Variants in FBN3 observed in about 807,000 individuals in gnomAD.
FBN3 encodes fibrillin-3.
In FBN3, 234 loss-of-function variants were observed where a neutral mutation model predicts 330.1. The observed-to-expected ratio is 0.71, with a 90% CI of 0.64 to 0.79. FBN3 has a LOEUF of 0.79. Ranked by LOEUF, FBN3 falls within the 30% of genes least tolerant of loss-of-function variation. The pLI, the probability that FBN3 is intolerant of heterozygous loss-of-function variation, is 0.00. For synonymous variants in FBN3, 1,458 were observed against 1,517.3 expected, an observed-to-expected ratio of 0.96 and a Z score of 0.91; for missense variants, 3,606 against 3,886.9, an observed-to-expected ratio of 0.93 and a Z score of 1.92.
chr19:8,114,341 C>G (rs1329558098), intron 30 of FBN3, among the ~76,000 whole-genome samples: 1 of 152,166 alleles, frequency 6.6e-6, no homozygotes, highest in African/African-American at 2.4e-5. Context: ...CCTCCGCCTC[C>G]TGGATTCAAG....
At position 8,089,790 on chromosome 19, in the gene FBN3, C is replaced by T. The variant is rs1441323863; in HGVS notation, c.6250+104G>A. On this transcript the variant is annotated intron_variant, in intron 50 of 63. Transcript: ENST00000600128. The stretch of plus-strand genomic sequence containing the variant: ...GCCCCAGGCTGGCAGGGTCCAGGGC[C>T]ACCCAGGCTCTCAGGGGGAGCCTGA... The T allele has an allele frequency of 5.8e-6, 9 of 1,539,890 alleles. No individual in the cohort carries two copies. In the East Asian group the frequency reaches 2.0e-4, roughly 35 times the overall value.
At chr19:8,089,748 A>AG in intron 50 of FBN3, 78 bp from the exon 51 acceptor site, 1 of 1,583,666 alleles carries the variant, frequency 6.3e-7, no homozygotes, top group South Asian at 1.2e-5. Context: ...CAAGGCCCCA[A>AG]GGGGACAAAA....
At chr19:8,087,683 T>C (rs772990178) in intron 53 of FBN3, 142 bp downstream of exon 53, 24 of 599,072 alleles carry the variant, frequency 4.0e-5, no homozygotes, top group Non-Finnish European at 6.6e-5. Context: ...CTCGGCTCAC[T>C]GCAACCTCCG....
chr19:8,119,219 G>C (rs1271537254), intron 25 of FBN3, among the ~76,000 whole-genome samples, 197 bp from the exon 26 acceptor site: 1 of 152,182 alleles, frequency 6.6e-6, no homozygotes, highest in Admixed American at 6.5e-5. Flanking sequence ...CAGCCAGATG[G>C]GGAGGGAGGC....
At chr19:8,066,304 G>A (rs911154496) in intron 63 of FBN3, 44 bp from the exon 64 acceptor site, 11 of 1,407,636 alleles carry the variant, frequency 7.8e-6, no homozygotes, top group Admixed American at 2.7e-5. Context: ...CAGGAGAATC[G>A]GGATGTGGTG....
chr19:8,093,967 C>A (rs1345958501), intron 47 of FBN3, among the ~76,000 whole-genome samples: 2 of 152,120 alleles, frequency 1.3e-5, no homozygotes, highest in South Asian at 2.1e-4. Flanking sequence ...CCAGGTTAGA[C>A]CACAGTGAAC....
At chr19:8,085,694 T>C in intron 55 of FBN3, 125 bp from the exon 56 acceptor site, 1 of 689,860 alleles carries the variant, frequency 1.4e-6, no homozygotes. Flanking sequence ...AGGAGGGAGT[T>C]GGATACACAG....
intron 61 of FBN3, among the ~76,000 whole-genome samples, chr19:8,074,302 G>A (rs960032706): frequency 5.3e-5 from 8 of 152,098 alleles, no homozygotes; most frequent in African/African-American, 9.7e-5. Flanking sequence ...GGGTGGGGTC[G>A]TGTGGTGTGG....
At chr19:8,069,662 T>G (rs1321299424) in intron 63 of FBN3, among the ~76,000 whole-genome samples, 1 of 152,214 alleles carries the variant, frequency 6.6e-6, no homozygotes, top group Non-Finnish European at 1.5e-5. Context: ...CACAGCTCTC[T>G]GCCGCTTTGA....
Position 8,090,112 on chromosome 19 carries a change from G to A in FBN3, c.6171C>T (p.Pro2057=). ...GTGGGCACTCACCGCTGCCCTCCTGGGGACACAGTTCGCAGGGGTCTCCCC... is the reference window on the plus strand; with the variant it reads ...GTGGGCACTCACCGCTGCCCTCCTGAGGACACAGTTCGCAGGGGTCTCCCC... The part of the protein sequence containing the change: ...EGWGDPCELC[P]QEGSAAFQEL... The change falls in exon 49 of 64, where the codon CCC becomes CCT. Residue 2057 remains proline, a synonymous_variant. Coordinates refer to ENST00000600128, the MANE Select transcript of FBN3 (RefSeq NM_032447.5). 1 of 1,613,818 alleles carries A rather than the reference G, an allele frequency of 6.2e-7. No individual in the cohort carries two copies. Among genetic ancestry groups the A allele is most frequent in the Non-Finnish European group, 8.5e-7 (1 of 1,179,918 alleles).
intron 62 of FBN3, among the ~76,000 whole-genome samples, chr19:8,072,720 G>GCACACACA (rs61403969): frequency 0.14 from 20,233 of 149,468 alleles, 1,616 homozygotes; most frequent in Non-Finnish European, 0.19. Context: ...ATGCGCGCGT[G>GCACACACA]CACACACACA....
intron 13 of FBN3, 25 bp downstream of exon 13, chr19:8,135,936 G>GGGGGGGGGGGGGGGGCGGCCCCCCCCC: frequency 3.0e-6 from 2 of 668,778 alleles, no homozygotes; most frequent in Non-Finnish European, 4.8e-6. Flanking sequence ...GGAAGCCCCT[G>GGGGGGGGGGGGGGGGCGGCCCCCCCCC]CCCACCCGCC....
intron 24 of FBN3, 143 bp downstream of exon 24, chr19:8,123,321 T>A: frequency 7.8e-6 from 7 of 899,112 alleles, no homozygotes; most frequent in Non-Finnish European, 9.7e-6. Flanking sequence ...GCCATTGCAC[T>A]CCAGCCTGGA....
chr19:8,129,518 G>A lies in FBN3; in HGVS notation c.2045-153C>T, dbSNP rs928121845. On this transcript the variant is annotated intron_variant, in intron 16 of 63. Coordinates refer to ENST00000600128, the MANE Select transcript of FBN3 (RefSeq NM_032447.5). The surrounding 1 kb of genome is among the most constrained non-coding windows in gnomAD (Gnocchi z 4.5). ...ACCCGGCCTCATTCTGCTCTAAACC[G>A]AGGTTTCTCAGCCTGGACACTGCTG... Among the ~76,000 whole-genome samples the A allele has an allele frequency of 3.9e-5, 6 of 152,122 alleles. No homozygotes were observed. Among genetic ancestry groups the A allele is most frequent in the African/African-American group, 1.2e-4 (5 of 41,418 alleles).
intron 59 of FBN3, among the ~76,000 whole-genome samples, chr19:8,079,283 G>A (rs140729553): frequency 2.0e-5 from 3 of 152,224 alleles, no homozygotes; most frequent in African/African-American, 4.8e-5. Flanking sequence ...AAACCCAGAT[G>A]TGGTGAGCCT....
At chr19:8,135,935 T>TGGGGGGGG in intron 13 of FBN3, 26 bp downstream of exon 13, 11 of 1,344,138 alleles carry the variant, frequency 8.2e-6, no homozygotes, top group East Asian at 2.7e-5. Flanking sequence ...CGGAAGCCCC[T>TGGGGGGGG]GCCCACCCGC....
rs759888449 is a variant in FBN3, at chr19:8,129,315, C to T, written c.2095G>A (p.Glu699Lys). 3.5e-5 allele frequency: 57 copies of T among 1,614,032 alleles called. No individual in the cohort carries two copies. In the Admixed American group the frequency reaches 8.0e-4, roughly 23 times the overall value. ...DPEVCANGVC[E>K]NLRGSYRCVC... ...CAGCGGTAGCTGCCCCGAAGGTTCT[C>T]GCACACGCCATTGGCACAAACCTCA... The change falls in exon 17 of 64, where the codon GAG becomes AAG. Residue 699 changes from glutamate (E) to lysine (K), a missense_variant. Transcript: ENST00000600128. The surrounding 1 kb of genome is among the most constrained non-coding windows in gnomAD (Gnocchi z 4.5).
intron 37 of FBN3, 128 bp downstream of exon 37, chr19:8,108,042 C>A: frequency 2.9e-6 from 2 of 686,392 alleles, no homozygotes; most frequent in Non-Finnish European, 5.0e-6. Context: ...TGCTGCTCAG[C>A]CTCCAGGTGG....
In FBN3 at chr19:8,123,485, C is replaced by A; in HGVS notation, c.3061G>T (p.Ala1021Ser). ...CACAGGFALDAQERNCTDIDE... is the reference protein window; with the variant it reads ...CACAGGFALDSQERNCTDIDE... ...CTACCTGTGCAGTTCCGTTCCTGGGCATCCAGGGCGAAGCCCCCCGCACAG... is the reference window on the plus strand; with the variant it reads ...CTACCTGTGCAGTTCCGTTCCTGGGAATCCAGGGCGAAGCCCCCCGCACAG... The change falls in exon 24 of 64, where the codon GCC becomes TCC. Residue 1021 changes from alanine (A) to serine (S), a missense_variant. Transcript: ENST00000600128. The A allele has an allele frequency of 6.2e-7, 1 of 1,613,964 alleles. No homozygotes were observed. The highest frequency in any genetic ancestry group is 1.1e-5 in the South Asian group (1 of 91,004).
Sources: allele counts gnomAD v4.1 joint callset (sites outside exome capture counted in the v4.1 genomes callset), GRCh38; gene constraint gnomAD v4.1.1; non-coding constraint Gnocchi (gnomAD v3.1); transcripts MANE v1.5; gene names NCBI Gene and HGNC (gene_info 2026-07-23, HGNC 2026-07-21).